Variants in EXT1 observed in about 807,000 individuals in gnomAD.
The protein encoded by EXT1 is exostosin glycosyltransferase 1, also known as exostosin-1.
EXT1 carries 20 observed loss-of-function variants against 82.5 expected under a neutral mutation model. The ratio of observed to expected loss-of-function variants is 0.24; its 90% CI spans 0.17 to 0.35. The LOEUF is 0.35. EXT1 is among the 10% of genes least tolerant of loss of function. The pLI, the probability that EXT1 is intolerant of heterozygous loss-of-function variation, is 1.00. For synonymous variants in EXT1, 348 were observed against 350.8 expected, an observed-to-expected ratio of 0.99 and a Z score of 0.09; for missense variants, 757 against 936.5, an observed-to-expected ratio of 0.81 and a Z score of 2.50.
chr8:117,963,330 G>A (rs978321162), intron 1 of EXT1, among the ~76,000 whole-genome samples: 3 of 152,092 alleles, frequency 2.0e-5, no homozygotes, highest in Admixed American at 2.0e-4. Flanking sequence ...TACATAAGGT[G>A]GTTCTCCTGT....
chr8:117,864,870 A>G (rs1469934818), intron 1 of EXT1, among the ~76,000 whole-genome samples: 4 of 151,912 alleles, frequency 2.6e-5, no homozygotes, highest in African/African-American at 9.7e-5. Context: ...GGGCTGTGGG[A>G]TGGACAAGCT....
rs77352537 is a variant in EXT1 at position 117,882,374 on chromosome 8, C to T, written c.963-45173G>A. ...CTGGGATTACAGTCGTGAGCCATCACGTCCAGCTCGTTTAGTTAACTTTGA... is the reference window on the plus strand; with the variant it reads ...CTGGGATTACAGTCGTGAGCCATCATGTCCAGCTCGTTTAGTTAACTTTGA... On this transcript the variant is annotated intron_variant, in intron 1 of 10. Transcript: ENST00000378204. Among the ~76,000 whole-genome samples the T allele has an allele frequency of 3.4e-3, 522 of 152,224 alleles. 5 individuals carry two copies. In the East Asian group the frequency reaches 0.043, roughly 12 times the overall value.
chr8:118,000,785 G>A (rs554323942), intron 1 of EXT1, among the ~76,000 whole-genome samples: 7 of 151,214 alleles, frequency 4.6e-5, no homozygotes, highest in South Asian at 2.1e-4. Context: ...CATCATGGAT[G>A]TCAGAGTTAG....
rs17475729 is a variant in EXT1 at position 117,927,792 on chromosome 8, G to A, written c.963-90591C>T. Among the ~76,000 whole-genome samples the A allele has an allele frequency of 5.1e-3, 776 of 152,274 alleles. 13 individuals carry two copies. Among genetic ancestry groups the A allele is most frequent in the East Asian group, 0.029 (149 of 5,178 alleles). On this transcript the variant is annotated intron_variant, in intron 1 of 10. Transcript: ENST00000378204. ...TCTTCTCAGAAGGGTGCCATGCTTC[G>A]TTTAATGCTCTGCTGTGTCTTGAAA... is the stretch of plus-strand genomic sequence containing the variant.
chr8:118,102,450 C>T (rs17477455), intron 1 of EXT1, among the ~76,000 whole-genome samples: 3,678 of 151,570 alleles, frequency 0.024, 146 homozygotes, highest in African/African-American at 0.076. Context: ...TCCAAAAATA[C>T]ATTTAAAGTC....
At position 117,992,009 on chromosome 8, in the gene EXT1, T is replaced by C. The variant is rs553726400; in HGVS notation, c.962+118076A>G. Among the ~76,000 whole-genome samples, 9 of 152,324 alleles carry C rather than the reference T, an allele frequency of 5.9e-5. No individual in the cohort carries two copies. The South Asian group carries it at 1.7e-3, about 28-fold the overall frequency. On this transcript the variant is annotated intron_variant, in intron 1 of 10. Transcript: ENST00000378204. ...ACCTCTGTGACACTCTCCACGTCCA[T>C]ATCAGAAGGCAATTGTAAGCACAGG...
chr8:118,005,438 T>C (rs9643119), intron 1 of EXT1, among the ~76,000 whole-genome samples: 66,203 of 152,086 alleles, frequency 0.44, 14,552 homozygotes, highest in Admixed American at 0.49. Context: ...ACAGCAGCAG[T>C]AGCTAATACC....
intron 1 of EXT1, among the ~76,000 whole-genome samples, chr8:117,945,018 CGG>C (rs1563609036): frequency 9.9e-5 from 15 of 152,188 alleles, no homozygotes; most frequent in Admixed American, 5.2e-4. Flanking sequence ...AAAAATTAGC[CGG>C]GCGCGGTGGT....
intron 1 of EXT1, among the ~76,000 whole-genome samples, chr8:117,968,553 A>ATTTTTTTTTTTTTTTTT (rs1182180428): frequency 4.3e-4 from 4 of 9,304 alleles, no homozygotes; most frequent in Non-Finnish European, 4.4e-4. Context: ...TTATTTATTT[A>ATTTTTTTTTTTTTTTTT]TTTTTTTTTT....
At position 117,796,025 on chromosome 8, in the gene EXT1, G is replaced by T. The variant is rs554317133; in HGVS notation, c.*3687C>A. 6.6e-6 allele frequency: 1 copy of T among 152,278 alleles called. No homozygotes were observed. Among genetic ancestry groups the T allele is most frequent in the African/African-American group, 2.4e-5 (1 of 41,558 alleles). The allele number at this position is 152,278 out of a possible 1,614,324, so 9.4% of individuals were successfully genotyped here. ...CAAGAATGACAAAACCAACTGAAAG[G>T]TTCTTGTCCATAGTCGCTGTAAAGG... On this transcript the variant is annotated 3_prime_UTR_variant, in exon 11 of 11. Transcript: ENST00000378204.
At chr8:117,887,585 C>A (rs967383332) in intron 1 of EXT1, among the ~76,000 whole-genome samples, 1 of 152,030 alleles carries the variant, frequency 6.6e-6, no homozygotes, top group African/African-American at 2.4e-5. Context: ...CTCTTGACCT[C>A]GTGATCTGCC....
Position 117,865,095 on chromosome 8 carries a change from A to AT in EXT1, c.963-27895dup, listed in dbSNP as rs1812753328. 2.0e-5 allele frequency among the ~76,000 whole-genome samples: 3 copies of AT among 152,172 alleles called. No individual in the cohort carries two copies. In the South Asian group the frequency reaches 6.2e-4, roughly 31 times the overall value. On this transcript the variant is annotated intron_variant, in intron 1 of 10. Transcript: ENST00000378204. ...ACTGACTCCATACAAACACTTGTTG[A>AT]TTTTGCTTGAATCCTCTGTAAATTT...
intron 1 of EXT1, among the ~76,000 whole-genome samples, chr8:117,996,811 T>C (rs1434547250): frequency 2.6e-5 from 4 of 152,214 alleles, no homozygotes. Flanking sequence ...TGGCTCATTG[T>C]AACACAATTG....
chr8:118,066,075 A>T (rs1454098130), intron 1 of EXT1, among the ~76,000 whole-genome samples: 2 of 152,208 alleles, frequency 1.3e-5, no homozygotes, highest in African/African-American at 2.4e-5. Context: ...AACTGTAGAG[A>T]TATGAGTTAA....
intron 1 of EXT1, among the ~76,000 whole-genome samples, chr8:117,970,877 G>A (rs749439874): frequency 6.6e-6 from 1 of 152,282 alleles, no homozygotes; most frequent in African/African-American, 2.4e-5. Context: ...GGTGAATCCT[G>A]GGTAATCCGT....
chr8:117,967,812 G>T (rs1814853226), intron 1 of EXT1, among the ~76,000 whole-genome samples: 1 of 152,218 alleles, frequency 6.6e-6, no homozygotes, highest in African/African-American at 2.4e-5. Context: ...AAGGTGGAGA[G>T]GTAATGAAGC....
At chr8:117,844,175 C>G (rs1812317396) in intron 1 of EXT1, among the ~76,000 whole-genome samples, 1 of 59,612 alleles carries the variant, frequency 1.7e-5, no homozygotes, top group African/African-American at 6.8e-5. Context: ...TATTTTGAGA[C>G]AAGATCTTGC....
intron 1 of EXT1, among the ~76,000 whole-genome samples, chr8:117,891,695 T>A (rs1294813037): frequency 5.3e-5 from 8 of 151,940 alleles, no homozygotes; most frequent in African/African-American, 7.3e-5. Flanking sequence ...AACCTTTTTA[T>A]CCCTCCTCAC....
intron 1 of EXT1, among the ~76,000 whole-genome samples, chr8:118,044,083 C>T (rs948612619): frequency 1.3e-5 from 2 of 152,200 alleles, no homozygotes; most frequent in Admixed American, 1.3e-4. Context: ...AAGATAATCG[C>T]AGTTAAACAT....
Sources: gnomAD v4.1 joint callset for allele counts (sites outside exome capture counted in the v4.1 genomes callset) on GRCh38, gnomAD v4.1.1 for gene constraint, MANE v1.5 for transcripts, NCBI Gene and HGNC (gene_info 2026-07-23, HGNC 2026-07-21) for gene names.